FGF14: variants seen among roughly 807,000 people sequenced by gnomAD.
The protein encoded by FGF14 is fibroblast growth factor homologous factor 4.
FGF14 carries 5 observed loss-of-function variants against 25.5 expected under a neutral mutation model. The observed-to-expected ratio is 0.20, with a 90% CI of 0.10 to 0.41. The LOEUF (loss-of-function observed/expected upper bound fraction) is 0.41, where lower values mean the gene tolerates loss of function less well. FGF14 is among the 10% of genes least tolerant of loss of function. The probability of loss-of-function intolerance (pLI) is 1.00; values close to 1 mark genes in which losing one functional copy is unlikely to be tolerated. For missense variants in FGF14, 222 were observed against 320.1 expected (o/e 0.69, Z 2.34); for synonymous variants, 138 against 118.3 (o/e 1.17, Z -1.08).
intron 1 of FGF14, among the ~76,000 whole-genome samples, chr13:102,305,422 G>T (rs1185906287): frequency 1.3e-5 from 2 of 152,070 alleles, no homozygotes; most frequent in Non-Finnish European, 2.9e-5. Flanking sequence ...ATCAAATGTG[G>T]ATTGCCTACG....
At chr13:102,184,592 T>G (rs992331780) in intron 1 of FGF14, among the ~76,000 whole-genome samples, 1 of 152,178 alleles carries the variant, frequency 6.6e-6, no homozygotes, top group African/African-American at 2.4e-5. Flanking sequence ...TAGAAATGAC[T>G]AGTAAATACG....
chr13:102,231,916 T>TA (rs1222062721), intron 1 of FGF14, among the ~76,000 whole-genome samples: 4 of 152,176 alleles, frequency 2.6e-5, no homozygotes, highest in Admixed American at 6.5e-5. Flanking sequence ...TTCTGACACA[T>TA]AAAAAATGCT....
At chr13:101,887,501 AAGAC>A (rs1395384900) in intron 1 of FGF14, among the ~76,000 whole-genome samples, 1 of 152,076 alleles carries the variant, frequency 6.6e-6, no homozygotes, top group African/African-American at 2.4e-5. Context: ...AAGGCACAGA[AAGAC>A]AGATATCTCA....
At position 102,204,246 on chromosome 13, in the gene FGF14, T is replaced by C. The variant is rs148252306; in HGVS notation, c.208+197225A>G. Among the ~76,000 whole-genome samples, 1,062 of 152,328 alleles carry C rather than the reference T, an allele frequency of 7.0e-3. 6 individuals carry two copies. Among genetic ancestry groups the C allele is most frequent in the African/African-American group, 0.024 (1,002 of 41,570 alleles). ...TTGTCTGAGCCTCCACCATATGTGATGGTTGCTCAAAAACTGCTTCTCCTG... is the reference window on the plus strand; with the variant it reads ...TTGTCTGAGCCTCCACCATATGTGACGGTTGCTCAAAAACTGCTTCTCCTG... On this transcript the variant is annotated intron_variant, in intron 1 of 4. Coordinates refer to the FGF14 transcript ENST00000376131.
At chr13:102,162,654 C>A (rs1448158882) in intron 1 of FGF14, among the ~76,000 whole-genome samples, 1 of 152,060 alleles carries the variant, frequency 6.6e-6, no homozygotes, top group African/African-American at 2.4e-5. Context: ...TTCAATGTAA[C>A]AAAAGACTTC....
At chr13:102,208,672 T>C (rs1378332087) in intron 1 of FGF14, among the ~76,000 whole-genome samples, 1 of 152,208 alleles carries the variant, frequency 6.6e-6, no homozygotes, top group African/African-American at 2.4e-5. Flanking sequence ...GTGAGGATTA[T>C]TACATTTTAA....
chr13:102,330,796 C>T (rs1369297120), intron 1 of FGF14, among the ~76,000 whole-genome samples: 2 of 152,266 alleles, frequency 1.3e-5, no homozygotes, highest in Admixed American at 1.3e-4. Context: ...TACCATGTGA[C>T]GTTCCATGCA....
At chr13:101,948,232 G>A (rs1310069266) in intron 1 of FGF14, among the ~76,000 whole-genome samples, 1 of 152,042 alleles carries the variant, frequency 6.6e-6, no homozygotes, top group African/African-American at 2.4e-5. Flanking sequence ...TTTATTAGTA[G>A]CAATTAGTCA....
chr13:102,090,980 G>C (rs2044139586), intron 1 of FGF14, among the ~76,000 whole-genome samples: 1 of 152,124 alleles, frequency 6.6e-6, no homozygotes, highest in Non-Finnish European at 1.5e-5. Context: ...ATAAATATTT[G>C]TTAATGTCTC....
At chr13:102,394,678 G>C (rs995753722) in intron 1 of FGF14, 1 of 152,294 alleles carries the variant, frequency 6.6e-6, no homozygotes. Flanking sequence ...GGTGATGGCC[G>C]GTCCCCGTGA....
At chr13:101,783,324 G>A (rs1193782376) in intron 3 of FGF14, among the ~76,000 whole-genome samples, 2 of 152,070 alleles carry the variant, frequency 1.3e-5, no homozygotes, top group Non-Finnish European at 2.9e-5. Context: ...ACAAAAATTA[G>A]CTGGGTGTGG....
chr13:102,231,527 C>A (rs1034309719), intron 1 of FGF14, among the ~76,000 whole-genome samples: 5 of 152,166 alleles, frequency 3.3e-5, no homozygotes, highest in African/African-American at 4.8e-5. Flanking sequence ...AGCCACAATT[C>A]TTGAGATTTA....
chr13:101,817,152 T>TA (rs2140215747), intron 3 of FGF14, among the ~76,000 whole-genome samples: 1 of 152,344 alleles, frequency 6.6e-6, no homozygotes, highest in Admixed American at 6.5e-5. Context: ...AATCTACTGT[T>TA]ATCATCTCCC....
At chr13:102,314,958 TATATAAC>T (rs1405771657) in intron 1 of FGF14, among the ~76,000 whole-genome samples, 4 of 148,822 alleles carry the variant, frequency 2.7e-5, no homozygotes, top group Non-Finnish European at 1.5e-5. Context: ...ATTAATATAT[TATATAAC>T]ATATACATTA....
At chr13:102,205,984 T>TAAAAAAAAAAAAAAAAAAAAAA (rs36108366) in intron 1 of FGF14, among the ~76,000 whole-genome samples, 1 of 47,442 alleles carries the variant, frequency 2.1e-5, no homozygotes, top group Admixed American at 3.4e-4. Flanking sequence ...CTCCCTGTGG[T>TAAAAAAAAAAAAAAAAAAAAAA]AAAAAAAAAA....
chr13:102,307,248 T>A (rs2055438914), intron 1 of FGF14, among the ~76,000 whole-genome samples: 1 of 152,120 alleles, frequency 6.6e-6, no homozygotes, highest in African/African-American at 2.4e-5. Context: ...AAGTGAGCAA[T>A]AAATGAACTC....
chr13:102,203,381 A>C (rs1007901736), intron 1 of FGF14, among the ~76,000 whole-genome samples: 4 of 152,120 alleles, frequency 2.6e-5, no homozygotes, highest in Non-Finnish European at 5.9e-5. Context: ...ATCCTGAATA[A>C]CCCTAGAAAG....
At chr13:101,816,020 T>C (rs1415487967) in intron 3 of FGF14, among the ~76,000 whole-genome samples, 6 of 151,612 alleles carry the variant, frequency 4.0e-5, no homozygotes, top group Non-Finnish European at 7.4e-5. Flanking sequence ...GCCTGTATCC[T>C]AGCACTTTGG....
intron 3 of FGF14, among the ~76,000 whole-genome samples, chr13:101,816,569 A>C (rs2041860291): frequency 6.6e-6 from 1 of 152,144 alleles, no homozygotes; most frequent in African/African-American, 2.4e-5. Flanking sequence ...AAAAAATTAT[A>C]CATCTTAAGC....
Sources: allele counts gnomAD v4.1 joint callset (sites outside exome capture counted in the v4.1 genomes callset), GRCh38; gene constraint gnomAD v4.1.1; transcripts MANE v1.5; gene names NCBI Gene and HGNC (gene_info 2026-07-23, HGNC 2026-07-21).